Variants in ZNF680 observed in about 807,000 individuals in gnomAD.
ZNF680 encodes the protein hypothetical protein FLJ90430.
ZNF680 carries 6 observed loss-of-function variants against 12.1 expected under a neutral mutation model. The ratio of observed to expected loss-of-function variants is 0.49; its 90% CI spans 0.27 to 0.98. The LOEUF is 0.98. Ranked by LOEUF, ZNF680 falls within the 50% of genes least tolerant of loss-of-function variation. The pLI, the probability that ZNF680 is intolerant of heterozygous loss-of-function variation, is 0.12. For missense variants in ZNF680, 561 were observed against 616.3 expected (o/e 0.91, Z 0.95); for synonymous variants, 170 against 199.3 (o/e 0.85, Z 1.24).
chr7:64,531,099 C>A (rs938964414), intron 3 of ZNF680, among the ~76,000 whole-genome samples: 1 of 151,886 alleles, frequency 6.6e-6, no homozygotes, highest in Non-Finnish European at 1.5e-5. Flanking sequence ...AAAGAAACAA[C>A]GGACTTAAAC....
Position 64,521,891 on chromosome 7 carries a change from T to C in ZNF680, c.863A>G (p.His288Arg). The change falls in exon 4 of 4, where the codon CAT (histidine) becomes CGT (arginine). Residue 288 changes from histidine (H) to arginine (R), a missense_variant. Coordinates refer to ENST00000309683, the MANE Select transcript of ZNF680 (RefSeq NM_178558.5). ...ACATTTGTAAGGTTTGTCTCCAGTA[T>C]GAATTATCTTATGTTTACTAAGGAT... ...FSILSKHKII[H>R]TGDKPYKCDE... The C allele has an allele frequency of 1.2e-6, 2 of 1,613,428 alleles. No individual in the cohort carries two copies. The highest frequency in any genetic ancestry group is 3.3e-5 in the Admixed American group (2 of 59,962).
chr7:64,525,504 G>C (rs1280322895), intron 3 of ZNF680: 1 of 153,160 alleles, frequency 6.5e-6, no homozygotes, highest in African/African-American at 2.4e-5. Context: ...TACACTCTTA[G>C]AGAAAACAGA....
In ZNF680 at chr7:64,522,404, T is replaced by G; in HGVS notation, c.350A>C (p.His117Pro). 1 of 1,612,030 alleles carries G rather than the reference T, an allele frequency of 6.2e-7. No individual in the cohort carries two copies. Among genetic ancestry groups the G allele is most frequent in the South Asian group, 1.1e-5 (1 of 90,622 alleles). Residue 117 changes from histidine to proline, a missense_variant, in exon 4 of 4, where the codon CAT becomes CCT. Transcript: ENST00000309683. ...ACTTATTCTTAATTGTAAATTCTCATGTCCACATTTTCCATATCCTCTCAG... is the reference window on the plus strand; with the variant it reads ...ACTTATTCTTAATTGTAAATTCTCAGGTCCACATTTTCCATATCCTCTCAG... Reference protein sequence around the residue: ...VILRGYGKCGHENLQLRISCK... With the variant: ...VILRGYGKCGPENLQLRISCK...
At chr7:64,511,624 C>T in the ZNF680 span, among the ~76,000 whole-genome samples, 1 of 107,932 alleles carries the variant, frequency 9.3e-6, no homozygotes, top group African/African-American at 4.5e-5. Context: ...TGCCCAAACC[C>T]AGACACTTTC....
the ZNF680 span, among the ~76,000 whole-genome samples, chr7:64,502,679 C>G: frequency 6.6e-6 from 1 of 152,116 alleles, no homozygotes; most frequent in African/African-American, 2.4e-5. Flanking sequence ...CTTTATTAAA[C>G]CAGAAATTTG....
chr7:64,553,101 G>C (rs1201667894), intron 1 of ZNF680, among the ~76,000 whole-genome samples: 1 of 151,010 alleles, frequency 6.6e-6, no homozygotes, highest in Admixed American at 6.6e-5. Context: ...CTCCAGCCTG[G>C]GGGACAAAGT....
At chr7:64,528,148 C>T (rs138497447) in intron 3 of ZNF680, among the ~76,000 whole-genome samples, 33 of 152,232 alleles carry the variant, frequency 2.2e-4, no homozygotes, top group Admixed American at 3.3e-4. Flanking sequence ...AGAAAAGGCC[C>T]TAGGAGCTCA....
intron 3 of ZNF680, among the ~76,000 whole-genome samples, chr7:64,529,722 C>T (rs6964136): frequency 0.76 from 115,900 of 152,064 alleles, 45,075 homozygotes; most frequent in African/African-American, 0.93. Flanking sequence ...GGAAAACACA[C>T]TTGGGTTGAT....
chr7:64,499,733 G>A, the ZNF680 span, among the ~76,000 whole-genome samples: 3 of 152,178 alleles, frequency 2.0e-5, no homozygotes, highest in African/African-American at 7.2e-5. Context: ...GACACAGCGA[G>A]ACTCCGTCTC....
intron 1 of ZNF680, among the ~76,000 whole-genome samples, chr7:64,546,950 T>C (rs887944403): frequency 6.6e-6 from 1 of 152,114 alleles, no homozygotes; most frequent in Non-Finnish European, 1.5e-5. Flanking sequence ...GACTCTGTCC[T>C]CATTTTGAGT....
chr7:64,501,005 A>G, the ZNF680 span: 1 of 684,132 alleles, frequency 1.5e-6, no homozygotes. Flanking sequence ...GGTGAATGAG[A>G]GAAATGCCCC....
At position 64,522,014 on chromosome 7, in the gene ZNF680, A is replaced by C; in HGVS notation, c.740T>G (p.Phe247Cys). ...TTTAATAAGGGTTGAGGATTGGTTA[A>C]AGGCTTTGCCACATTCCTCACATTT... ...PYKCEECGKA[F>C]NQSSTLIKHK... The change falls in exon 4 of 4, where the codon TTT becomes TGT. Residue 247 changes from phenylalanine (F) to cysteine (C), a missense_variant. Coordinates refer to ENST00000309683, the MANE Select transcript of ZNF680 (RefSeq NM_178558.5). The C allele has an allele frequency of 6.2e-7, 1 of 1,613,166 alleles. No homozygotes were observed. The highest frequency in any genetic ancestry group is 1.1e-5 in the South Asian group (1 of 91,014).
At position 64,520,062 on chromosome 7, in the gene ZNF680, C is replaced by T. The variant is rs771928807; in HGVS notation, c.*1099G>A. The T allele has an allele frequency of 6.6e-6, 1 of 151,634 alleles. No individual in the cohort carries two copies. The highest frequency in any genetic ancestry group is 1.5e-5 in the Non-Finnish European group (1 of 67,650). 9.4% of individuals were successfully genotyped at this position (151,634 alleles called of 1,614,324 possible). ...CTATGATGCAGAATATTACTCCAAA[C>T]ACCTACCTCATGCATCACTCAATAT... On this transcript the variant is annotated 3_prime_UTR_variant, in exon 4 of 4. Transcript: ENST00000309683.
the ZNF680 span, among the ~76,000 whole-genome samples, chr7:64,512,651 CCTAGCCCTGTAAATAAAAACTGTATTT>C: frequency 6.6e-6 from 1 of 152,060 alleles, no homozygotes; most frequent in Admixed American, 6.5e-5. Flanking sequence ...AAACTGTATT[CCTAGCCCTGTAAATAAAAACTGTATTT>C]CTAGCCTTGT....
rs1167784683 is a variant in ZNF680 at position 64,521,312 on chromosome 7, T to C, written c.1442A>G (p.Lys481Arg). 11 of 1,612,224 alleles carry C rather than the reference T, an allele frequency of 6.8e-6. No individual in the cohort carries two copies. In the African/African-American group the frequency reaches 1.5e-4, roughly 22 times the overall value. Residue 481 changes from lysine (K) to arginine (R), a missense_variant, in exon 4 of 4, where the codon AAG (lysine) becomes AGG (arginine). Transcript: ENST00000309683. ...GGGTTTCTCTCTAGCATGAATTCTC[T>C]TATGATTAGCAAGAGTTGCAGGCCA... ...FNWPATLANH[K>R]RIHAREKPYK... is the part of the protein sequence containing the mutation.
At chr7:64,539,924 A>G (rs1786410795) in intron 3 of ZNF680, among the ~76,000 whole-genome samples, 1 of 152,144 alleles carries the variant, frequency 6.6e-6, no homozygotes, top group Non-Finnish European at 1.5e-5. Context: ...CCTGGATTAC[A>G]GATGTAAGCC....
chr7:64,551,522 G>A (rs574002202), intron 1 of ZNF680: 1 of 161,232 alleles, frequency 6.2e-6, no homozygotes, highest in African/African-American at 2.4e-5. Flanking sequence ...TGAGCTGCAG[G>A]AGGAGAGCCT....
chr7:64,523,787 C>G (rs1791677297), intron 3 of ZNF680, among the ~76,000 whole-genome samples: 1 of 151,930 alleles, frequency 6.6e-6, no homozygotes, highest in African/African-American at 2.4e-5. Flanking sequence ...GTGGTGGGCG[C>G]CTGTAGTCCC....
chr7:64,557,009 G>A (rs1459746404), intron 1 of ZNF680, among the ~76,000 whole-genome samples: 1 of 152,232 alleles, frequency 6.6e-6, no homozygotes, highest in African/African-American at 2.4e-5. Context: ...CGAGCACTTT[G>A]GGAGGCCAAG....
Sources: gnomAD v4.1 joint callset for allele counts (sites outside exome capture counted in the v4.1 genomes callset) on GRCh38, gnomAD v4.1.1 for gene constraint, MANE v1.5 for transcripts, NCBI Gene and HGNC (gene_info 2026-07-23, HGNC 2026-07-21) for gene names.